GUCY2C: variants seen among roughly 807,000 people sequenced by gnomAD.
GUCY2C encodes guanylate cyclase 2C.
Under a neutral mutation model 131.1 loss-of-function variants are expected in GUCY2C, and 118 were observed. The observed-to-expected ratio is 0.90, with a 90% CI of 0.78 to 1.05. The LOEUF (loss-of-function observed/expected upper bound fraction) is 1.05, where lower values mean the gene tolerates loss of function less well. Ranked by LOEUF, GUCY2C falls within the 50% of genes least tolerant of loss-of-function variation. The probability of loss-of-function intolerance (pLI) is 0.00; values close to 1 mark genes in which losing one functional copy is unlikely to be tolerated. For synonymous variants in GUCY2C, 452 were observed against 457.8 expected, an observed-to-expected ratio of 0.99 and a Z score of 0.16; for missense variants, 1,161 against 1,304.4, an observed-to-expected ratio of 0.89 and a Z score of 1.69.
In GUCY2C at chr12:14,672,875, TC is replaced by T. The variant is rs758284597; in HGVS notation, c.1167del (p.Lys390AsnfsTer6). On this transcript the variant is annotated frameshift_variant, in exon 9 of 27. Transcript: ENST00000261170. LOFTEE classifies it high-confidence loss of function. ...MVLLYTSVDTKKYKVLLTYDT... is the reference protein window; with the variant it reads ...MVLLYTSVDTXKYKVLLTYDT... ...TTCTGATAAGCAGTGAGACATACTT[TC>T]TTGGTGTCCACAGAGGTATACAGAA... The T allele has an allele frequency of 4.4e-6, 7 of 1,577,566 alleles. No homozygotes were observed. The African/African-American group carries it at 9.4e-5, about 21-fold the overall frequency.
intron 10 of GUCY2C, 135 bp downstream of exon 10, chr12:14,669,587 G>A: frequency 1.7e-6 from 1 of 587,360 alleles, no homozygotes; most frequent in Non-Finnish European, 3.1e-6. Context: ...TTTACAAACT[G>A]GACAGCAGGA....
intron 21 of GUCY2C, among the ~76,000 whole-genome samples, chr12:14,622,469 G>T (rs969686937): frequency 5.3e-5 from 8 of 152,192 alleles, no homozygotes. Flanking sequence ...CACATAAATA[G>T]ATAACTTTAA....
intron 6 of GUCY2C, among the ~76,000 whole-genome samples, chr12:14,677,772 T>G: frequency 1.5e-5 from 2 of 136,500 alleles, no homozygotes; most frequent in Non-Finnish European, 3.1e-5. Context: ...TAGAGACGGG[T>G]TTTCAGCATG....
intron 6 of GUCY2C, among the ~76,000 whole-genome samples, chr12:14,678,469 G>T (rs1380313456): frequency 6.6e-6 from 1 of 152,194 alleles, no homozygotes; most frequent in South Asian, 2.1e-4. Context: ...CCTTCCAGGG[G>T]TAAAGCAGCT....
At chr12:14,694,336 C>T (rs1368280330) in intron 1 of GUCY2C, among the ~76,000 whole-genome samples, 1 of 152,178 alleles carries the variant, frequency 6.6e-6, no homozygotes, top group African/African-American at 2.4e-5. Context: ...AACAGACAAC[C>T]TATATGACCT....
chr12:14,694,288 G>A (rs1318804113), intron 1 of GUCY2C, among the ~76,000 whole-genome samples: 3 of 152,168 alleles, frequency 2.0e-5, no homozygotes, highest in African/African-American at 4.8e-5. Context: ...TTCACACTGG[G>A]TAAAGATATT....
intron 2 of GUCY2C, among the ~76,000 whole-genome samples, chr12:14,687,749 T>C (rs1240691191): frequency 6.6e-6 from 1 of 152,206 alleles, no homozygotes; most frequent in East Asian, 1.9e-4. Flanking sequence ...TTCCTCACTT[T>C]TCTGGATTCA....
intron 5 of GUCY2C, among the ~76,000 whole-genome samples, chr12:14,680,440 C>A (rs1948326891): frequency 6.6e-6 from 1 of 152,158 alleles, no homozygotes; most frequent in South Asian, 2.1e-4. Flanking sequence ...TTATATATTT[C>A]TTTCCCACCA....
intron 17 of GUCY2C, among the ~76,000 whole-genome samples, chr12:14,642,162 T>A (rs1465581374): frequency 6.6e-6 from 1 of 152,110 alleles, no homozygotes; most frequent in Non-Finnish European, 1.5e-5. Flanking sequence ...TCCCACAGTA[T>A]TCTTAAAAAA....
intron 15 of GUCY2C, among the ~76,000 whole-genome samples, chr12:14,646,213 CA>C (rs1193950243): frequency 6.6e-6 from 1 of 152,200 alleles, no homozygotes; most frequent in African/African-American, 2.4e-5. Context: ...TAAGCTAATA[CA>C]TAACTGTTCT....
At chr12:14,639,273 CAG>C (rs1389293471) in intron 19 of GUCY2C, among the ~76,000 whole-genome samples, 12 of 126,222 alleles carry the variant, frequency 9.5e-5, no homozygotes, top group African/African-American at 3.7e-4. Flanking sequence ...ACTCTAGTGA[CAG>C]AGTGACAGAG....
intron 1 of GUCY2C, among the ~76,000 whole-genome samples, chr12:14,694,987 A>C (rs1243384094): frequency 6.6e-6 from 1 of 152,214 alleles, no homozygotes; most frequent in African/African-American, 2.4e-5. Flanking sequence ...ATCTTATCAT[A>C]TATATCCCCC....
rs558243795 is a variant in GUCY2C at position 14,651,512 on chromosome 12, C to A, written c.1606-1G>T. ...GGTTGTAATAGTCAATCTGAAGCAA[C>A]TAGAAGAACGTGTTTGTTTACAAAG... On this transcript the variant is annotated splice_acceptor_variant, in intron 14 of 26. Coordinates refer to ENST00000261170, the MANE Select transcript of GUCY2C (RefSeq NM_004963.4). LOFTEE classifies it high-confidence loss of function. The A allele has an allele frequency of 5.2e-6, 8 of 1,538,860 alleles. No homozygotes were observed. The South Asian group carries it at 9.1e-5, about 17-fold the overall frequency.
intron 5 of GUCY2C, among the ~76,000 whole-genome samples, chr12:14,680,243 A>T (rs1948323926): frequency 6.6e-6 from 1 of 152,184 alleles, no homozygotes; most frequent in African/African-American, 2.4e-5. Flanking sequence ...TAGCCTCTTA[A>T]CTCAAAACTT....
At chr12:14,652,249 A>G (rs1947676736) in intron 13 of GUCY2C, among the ~76,000 whole-genome samples, 1 of 151,984 alleles carries the variant, frequency 6.6e-6, no homozygotes, top group South Asian at 2.1e-4. Flanking sequence ...ATCTCAGCTC[A>G]CTTCAATCTC....
At chr12:14,616,754 A>G in intron 24 of GUCY2C, 27 bp from the exon 25 acceptor site, 1 of 1,317,876 alleles carries the variant, frequency 7.6e-7, no homozygotes, top group Non-Finnish European at 1.1e-6. Context: ...ACAAATAAAA[A>G]TCCCAGCTAG....
At chr12:14,651,592 T>G (rs1947660554) in intron 14 of GUCY2C, 81 bp from the exon 15 acceptor site, 2 of 745,426 alleles carry the variant, frequency 2.7e-6, no homozygotes, top group African/African-American at 3.5e-5. Flanking sequence ...ATAAAATGTG[T>G]TTTGTTTCAG....
At chr12:14,645,150 G>A (rs1947494834) in intron 16 of GUCY2C, 79 bp downstream of exon 16, 1 of 774,590 alleles carries the variant, frequency 1.3e-6, no homozygotes, top group East Asian at 2.5e-5. Flanking sequence ...AGAAACCAAT[G>A]CACAGAAGGT....
At position 14,676,868 on chromosome 12, in the gene GUCY2C, TG is replaced by T; in HGVS notation, c.933del (p.Arg312GlyfsTer15). 1 of 1,385,900 alleles carries T rather than the reference TG, an allele frequency of 7.2e-7. No homozygotes were observed. The highest frequency in any genetic ancestry group is 1.0e-6 in the Non-Finnish European group (1 of 999,908). The allele number at this position is 1,385,900 out of a possible 1,614,324, so 85.9% of individuals were successfully genotyped here. A position where few individuals can be genotyped will look rare whatever the true frequency, so the allele number is the denominator to read the frequency against. On this transcript the variant is annotated frameshift_variant, in exon 7 of 27. Transcript: ENST00000261170. LOFTEE classifies it high-confidence loss of function. The stretch of plus-strand genomic sequence containing the variant: ...TAATAGCTTACTGGTGATAGATTCC[TG>T]GAGAAAGAGCTATTTAGAAGGGAAT... ...PGNSLLNSSF[S>X]RNLSPTKRDF...
Sources: allele counts gnomAD v4.1 joint callset (sites outside exome capture counted in the v4.1 genomes callset), GRCh38; gene constraint gnomAD v4.1.1; transcripts MANE v1.5; gene names NCBI Gene and HGNC (gene_info 2026-07-23, HGNC 2026-07-21).